The following SLFNL1 variants were observed in gnomAD, a reference collection of about 807,000 sequenced individuals.
SLFNL1 encodes the protein schlafen-like protein 1.
A neutral mutation model predicts 32.5 loss-of-function variants in SLFNL1; 26 were observed. The ratio of observed to expected loss-of-function variants is 0.80; its 90% CI spans 0.59 to 1.11. SLFNL1 has a LOEUF of 1.11. Among genes scored for constraint, SLFNL1 ranks in the 50% least tolerant of loss-of-function variants. SLFNL1 has a pLI of 0.00. For synonymous variants in SLFNL1, 255 were observed against 242.2 expected (o/e 1.05, Z -0.49); for missense variants, 553 against 546.5 (o/e 1.01, Z -0.12).
Position 41,017,951 on chromosome 1 carries a change from TG to T in SLFNL1, c.640del (p.Gln214ArgfsTer49). Reference sequence around the variant, plus strand: ...GGTCTCGCTGCCCAGGAAGGCACCCTGGAAGAGCTGGTCCTTGCCCACGATC... The same window carrying T: ...GGTCTCGCTGCCCAGGAAGGCACCCTGAAGAGCTGGTCCTTGCCCACGATC... ...QQIVGKDQLF[Q>X]GAFLGSETRN... On this transcript the variant is annotated frameshift_variant, in exon 4 of 6. Transcript: ENST00000302946. LOFTEE classifies it high-confidence loss of function. This position sits in a 1 kb window ranked among gnomAD's most constrained non-coding sequence, Gnocchi z 4.9. 1 of 1,611,948 alleles carries T rather than the reference TG, an allele frequency of 6.2e-7. No individual in the cohort carries two copies. Among genetic ancestry groups the T allele is most frequent in the Middle Eastern group, 1.7e-4 (1 of 6,054 alleles).
chr1:41,016,470 C>T (rs1175262424), intron 5 of SLFNL1: 2 of 536,664 alleles, frequency 3.7e-6, no homozygotes, highest in African/African-American at 1.9e-5. Context: ...TGTGCCTCCT[C>T]ACTGTTGGTC....
intron 3 of SLFNL1, among the ~76,000 whole-genome samples, chr1:41,018,757 T>C (rs1023410283): frequency 1.3e-5 from 2 of 151,646 alleles, no homozygotes; most frequent in Non-Finnish European, 2.9e-5. Flanking sequence ...CACTTCCTAG[T>C]CTGGGCCTCC....
intron 3 of SLFNL1, 108 bp from the exon 4 acceptor site, chr1:41,018,264 T>C: frequency 8.4e-7 from 1 of 1,185,274 alleles, no homozygotes; most frequent in Non-Finnish European, 1.1e-6. Flanking sequence ...GCAGCCTGAC[T>C]CTTACGGACA....
chr1:41,020,666 G>T lies in SLFNL1; in HGVS notation c.-6C>A. 1 of 1,601,264 alleles carries T rather than the reference G, an allele frequency of 6.2e-7. No homozygotes were observed. On this transcript the variant is annotated 5_prime_UTR_variant, in exon 3 of 6. Transcript: ENST00000302946. ...GATCTCTTCATGGGGGTCATGGGAA[G>T]GCTCTCCCTGGGAAGGGGTTCCAGG...
Position 41,015,842 on chromosome 1 carries a change from A to C in SLFNL1, c.*264T>G. On this transcript the variant is annotated 3_prime_UTR_variant, in exon 6 of 6. Coordinates refer to ENST00000302946, the MANE Select transcript of SLFNL1 (RefSeq NM_144990.4). ...GGACAATCCCTTATAGCTTAGCCCT[A>C]GGGGAGCTCTGGGCAGGGTTTTACA... is the stretch of plus-strand genomic sequence containing the variant. 1 of 356,644 alleles carries C rather than the reference A, an allele frequency of 2.8e-6. No individual in the cohort carries two copies. 22.1% of individuals were successfully genotyped at this position (356,644 alleles called of 1,614,324 possible).
chr1:41,018,195 A>G, intron 3 of SLFNL1, 39 bp from the exon 4 acceptor site: 2 of 1,434,584 alleles, frequency 1.4e-6, no homozygotes, highest in African/African-American at 1.4e-5. Flanking sequence ...GGGTCCAGCC[A>G]GGAAATGGGA....
At chr1:41,018,639 C>G (rs1643551903) in intron 3 of SLFNL1, among the ~76,000 whole-genome samples, 1 of 152,088 alleles carries the variant, frequency 6.6e-6, no homozygotes, top group African/African-American at 2.4e-5. Context: ...CCACTACTTG[C>G]TGGGCTATTG....
In SLFNL1 at chr1:41,017,279, G is replaced by C; in HGVS notation, c.1056C>G (p.Ile352Met). The C allele has an allele frequency of 6.2e-7, 1 of 1,608,544 alleles. No individual in the cohort carries two copies. Among genetic ancestry groups the C allele is most frequent in the South Asian group, 1.1e-5 (1 of 90,144 alleles). ...TGGCGCTGGCAGACAGCGGGCCCTG[G>C]ATGCTCCCGTCGCGCCGCAGAAACA... ...GEVFLRRDGS[I>M]QGPLSASAIQ... is the part of the protein sequence containing the mutation. The change falls in exon 5 of 6, where the codon ATC becomes ATG. Residue 352 changes from isoleucine (I) to methionine (M), a missense_variant. Transcript: ENST00000302946. The surrounding 1 kb of genome is among the most constrained non-coding windows in gnomAD (Gnocchi z 4.9).
In SLFNL1 at chr1:41,016,140, TGCTGCTGCA is replaced by T. The variant is rs751814836; in HGVS notation, c.1181_1189del (p.Leu394_Gln396del). Reference sequence around the variant, plus strand: ...ACAGCAGGTGCAGGACACAGGCCCGTGCTGCTGCAGCTGCTGCTGGAGCTGCTCCTTCTC... The same window carrying T: ...ACAGCAGGTGCAGGACACAGGCCCGTGCTGCTGCTGGAGCTGCTCCTTCTC... On this transcript the variant is annotated inframe_deletion, in exon 6 of 6. Transcript: ENST00000302946. 24 of 1,614,174 alleles carry T rather than the reference TGCTGCTGCA, an allele frequency of 1.5e-5. No individual in the cohort carries two copies. The South Asian group carries it at 2.4e-4, about 16-fold the overall frequency.
rs1198729481 is a variant in SLFNL1 at position 41,017,578 on chromosome 1, T to C, written c.957+57A>G. 1 of 1,507,300 alleles carries C rather than the reference T, an allele frequency of 6.6e-7. No homozygotes were observed. Among genetic ancestry groups the C allele is most frequent in the Non-Finnish European group, 8.9e-7 (1 of 1,128,442 alleles). 93.4% of individuals were successfully genotyped at this position (1,507,300 alleles called of 1,614,324 possible). ...TGCCTGGCAGGAGTGCAGGCCATCG[T>C]CTTACTGAGTGATGACAGATGACAG... On this transcript the variant is annotated intron_variant, in intron 4 of 5. Transcript: ENST00000302946. This position sits in a 1 kb window ranked among gnomAD's most constrained non-coding sequence, Gnocchi z 4.9.
Position 41,020,703 on chromosome 1 carries a change from C to A in SLFNL1, c.-43G>T. The A allele has an allele frequency of 6.4e-7, 1 of 1,562,332 alleles. No individual in the cohort carries two copies. The highest frequency in any genetic ancestry group is 1.2e-5 in the South Asian group (1 of 85,636). On this transcript the variant is annotated 5_prime_UTR_variant, in exon 3 of 6. Transcript: ENST00000302946. Reference sequence around the variant, plus strand: ...GAAGGGGTTCCAGGATTCCTCACTGCTGGCTGCTTCTCCCAGGGTCTGTGT... The same window carrying A: ...GAAGGGGTTCCAGGATTCCTCACTGATGGCTGCTTCTCCCAGGGTCTGTGT...
chr1:41,016,751 C>T (rs900314928), intron 5 of SLFNL1: 2 of 154,798 alleles, frequency 1.3e-5, no homozygotes, highest in African/African-American at 2.4e-5. Context: ...GGTCTGTCGC[C>T]CAGGCTGGAG....
chr1:41,017,138 G>T lies in SLFNL1; in HGVS notation c.1101+96C>A. 1 of 1,416,224 alleles carries T rather than the reference G, an allele frequency of 7.1e-7. No homozygotes were observed. The highest frequency in any genetic ancestry group is 9.3e-7 in the Non-Finnish European group (1 of 1,072,832). The allele number at this position is 1,416,224 out of a possible 1,614,324, so 87.7% of individuals were successfully genotyped here. A position where few individuals can be genotyped will look rare whatever the true frequency, so the allele number is the denominator to read the frequency against. Reference sequence around the variant, plus strand: ...TCAACGGGGTGATGCAGGACCCAGGGAACCATGGTGGCTTGCCCTGGGCTG... The same window carrying T: ...TCAACGGGGTGATGCAGGACCCAGGTAACCATGGTGGCTTGCCCTGGGCTG... On this transcript the variant is annotated intron_variant, in intron 5 of 5. Transcript: ENST00000302946. This position sits in a 1 kb window ranked among gnomAD's most constrained non-coding sequence, Gnocchi z 4.9.
In SLFNL1 at chr1:41,019,816, G is replaced by A. The variant is rs1421379290; in HGVS notation, c.435+410C>T. ...CTGGCCACAGATGCAGGGCTTCCTG[G>A]GGGCCTGGCTGGGCCTCTCATCCCT... On this transcript the variant is annotated intron_variant, in intron 3 of 5. Coordinates refer to ENST00000302946, the MANE Select transcript of SLFNL1 (RefSeq NM_144990.4). Among the ~76,000 whole-genome samples, 7 of 152,308 alleles carry A rather than the reference G, an allele frequency of 4.6e-5. No homozygotes were observed. The East Asian group carries it at 1.2e-3, about 25-fold the overall frequency.
rs754216485 is a variant in SLFNL1, at chr1:41,020,230, CTG to C, written c.429_430del (p.His143GlnfsTer35). 8 of 1,586,616 alleles carry C rather than the reference CTG, an allele frequency of 5.0e-6. No individual in the cohort carries two copies. The African/African-American group carries it at 6.7e-5, about 13-fold the overall frequency. On this transcript the variant is annotated frameshift_variant, in exon 3 of 6. Transcript: ENST00000302946. LOFTEE classifies it high-confidence loss of function. ...CTTGGGAAAAGTCCCACTTACCTCT[CTG>C]TGGCTGAAGGGCCCTTGGGCCTCAC...
At position 41,020,474 on chromosome 1, in the gene SLFNL1, G is replaced by A. The variant is rs1283227589; in HGVS notation, c.187C>T (p.Leu63Phe). 5 of 1,613,416 alleles carry A rather than the reference G, an allele frequency of 3.1e-6. No individual in the cohort carries two copies. The highest frequency in any genetic ancestry group is 1.7e-5 in the Admixed American group (1 of 60,022). Residue 63 changes from leucine to phenylalanine, a missense_variant, in exon 3 of 6, where the codon CTT becomes TTT. Physicochemically the swap from Leu to Phe is conservative, Grantham distance 22. Coordinates refer to ENST00000302946, the MANE Select transcript of SLFNL1 (RefSeq NM_144990.4). ...HLNPQFSVPV[L>F]ACLLRDTLER... ...AGGGTGTCTCGCAGCAGGCAGGCAA[G>A]CACCGGCACTGAGAACTGGGGGTTC... is the stretch of plus-strand genomic sequence containing the variant.
At position 41,018,682 on chromosome 1, in the gene SLFNL1, G is replaced by A. The variant is rs542777037; in HGVS notation, c.436-526C>T. On this transcript the variant is annotated intron_variant, in intron 3 of 5. Transcript: ENST00000302946. ...CGCCCTAATCCCCACTTTCTTCTGCGCCTCCTGAATCTCCTTTCATGGTTT... is the reference window on the plus strand; with the variant it reads ...CGCCCTAATCCCCACTTTCTTCTGCACCTCCTGAATCTCCTTTCATGGTTT... Among the ~76,000 whole-genome samples, 27 of 152,084 alleles carry A rather than the reference G, an allele frequency of 1.8e-4. No individual in the cohort carries two copies. The South Asian group carries it at 2.1e-3, about 12-fold the overall frequency.
Position 41,017,862 on chromosome 1 carries a change from G to A in SLFNL1, c.730C>T (p.Arg244Trp), listed in dbSNP as rs771200715. The change falls in exon 4 of 6, where the codon CGG becomes TGG. Residue 244 changes from arginine (R) to tryptophan (W), a missense_variant. Physicochemically the swap from Arg to Trp is moderately radical, Grantham distance 101 (BLOSUM62 -3). Coordinates refer to ENST00000302946, the MANE Select transcript of SLFNL1 (RefSeq NM_144990.4). The surrounding 1 kb of genome is among the most constrained non-coding windows in gnomAD (Gnocchi z 4.9). ...YLSLAFKHHV[R>W]RYVCAFLNSE... is the part of the protein sequence containing the mutation. ...TTGAGGAAGGCGCACACGTAGCGCC[G>A]CACGTGGTGCTTGAAGGCCAGGCTG... 6.9e-6 allele frequency: 11 copies of A among 1,605,654 alleles called. No homozygotes were observed. The highest frequency in any genetic ancestry group is 1.3e-5 in the African/African-American group (1 of 74,798).
Position 41,020,484 on chromosome 1 carries a change from T to C in SLFNL1, c.177A>G (p.Ser59=). The C allele has an allele frequency of 6.2e-7, 1 of 1,613,468 alleles. No homozygotes were observed. The highest frequency in any genetic ancestry group is 8.5e-7 in the Non-Finnish European group (1 of 1,180,018). The change falls in exon 3 of 6, where the codon TCA becomes TCG. Residue 59 remains serine, a synonymous_variant. Coordinates refer to ENST00000302946, the MANE Select transcript of SLFNL1 (RefSeq NM_144990.4). The part of the protein sequence containing the change: ...LYVGHLNPQF[S]VPVLACLLRD... ...GCAGCAGGCAGGCAAGCACCGGCAC[T>C]GAGAACTGGGGGTTCAGATGGCCCA... is the stretch of plus-strand genomic sequence containing the variant.
Sources: gnomAD v4.1 joint callset for allele counts (sites outside exome capture counted in the v4.1 genomes callset) on GRCh38, gnomAD v4.1.1 for gene constraint, Gnocchi (gnomAD v3.1) non-coding constraint, MANE v1.5 for transcripts, NCBI Gene and HGNC (gene_info 2026-07-23, HGNC 2026-07-21) for gene names.